Variants in RNF185 observed in about 807,000 individuals in gnomAD.
RNF185 encodes E3 ubiquitin-protein ligase RNF185.
RNF185 carries 13 observed loss-of-function variants against 24.9 expected under a neutral mutation model. That is an observed-to-expected ratio of 0.52 (90% CI 0.34 to 0.83). RNF185 has a LOEUF of 0.83. RNF185 is among the 40% of genes least tolerant of loss of function. The probability of loss-of-function intolerance (pLI) is 0.01; values close to 1 mark genes in which losing one functional copy is unlikely to be tolerated. For missense variants in RNF185, 184 were observed against 244.7 expected, an observed-to-expected ratio of 0.75 and a Z score of 1.65; for synonymous variants, 79 against 90.3, an observed-to-expected ratio of 0.88 and a Z score of 0.71.
At chr22:31,175,322 C>T (rs997562708) in intron 1 of RNF185, among the ~76,000 whole-genome samples, 35 of 151,632 alleles carry the variant, frequency 2.3e-4, no homozygotes, top group Admixed American at 2.1e-3. Context: ...GATGTGGTGG[C>T]GCACAGCTGT....
chr22:31,186,967 A>C, intron 1 of RNF185, 80 bp from the exon 2 acceptor site: 1 of 998,602 alleles, frequency 1.0e-6, no homozygotes, highest in Non-Finnish European at 1.5e-6. Flanking sequence ...TCTGGAGCCT[A>C]GAGAAGACAG....
chr22:31,188,976 AT>A (rs2048126937), intron 2 of RNF185, among the ~76,000 whole-genome samples: 1 of 148,230 alleles, frequency 6.7e-6, no homozygotes, highest in South Asian at 2.1e-4. Flanking sequence ...AAAAAAAAAA[AT>A]TAGCCGGGTG....
chr22:31,191,305 C>G (rs1279709143), intron 2 of RNF185, among the ~76,000 whole-genome samples: 1 of 152,126 alleles, frequency 6.6e-6, no homozygotes, highest in Admixed American at 6.5e-5. Context: ...AATGACATTG[C>G]AAGATTAATG....
chr22:31,189,143 G>A (rs1017877515), intron 2 of RNF185, among the ~76,000 whole-genome samples: 8 of 149,052 alleles, frequency 5.4e-5, no homozygotes, highest in Admixed American at 1.3e-4. Flanking sequence ...AAATGTGTGT[G>A]TGTGTGTGTG....
At chr22:31,172,748 C>CAAAAAAAAA (rs35573590) in intron 1 of RNF185, among the ~76,000 whole-genome samples, 1 of 97,714 alleles carries the variant, frequency 1.0e-5, no homozygotes, top group Non-Finnish European at 1.9e-5. Context: ...GACCCCGTCT[C>CAAAAAAAAA]AAAAAAAAAA....
intron 2 of RNF185, among the ~76,000 whole-genome samples, chr22:31,188,937 G>T (rs925958256): frequency 6.8e-6 from 1 of 147,798 alleles, no homozygotes; most frequent in Non-Finnish European, 1.5e-5. Flanking sequence ...TGGCTAACAC[G>T]GTGAAACCCG....
intron 1 of RNF185, among the ~76,000 whole-genome samples, chr22:31,167,978 C>T (rs1260387769): frequency 1.3e-5 from 2 of 152,188 alleles, no homozygotes; most frequent in Admixed American, 6.5e-5. Context: ...TTTAAATGTA[C>T]AGCTCAGTGG....
At position 31,195,609 on chromosome 22, in the gene RNF185, C is replaced by A. The variant is rs147796893; in HGVS notation, c.308+28C>A. 4 of 1,405,762 alleles carry A rather than the reference C, an allele frequency of 2.8e-6. No homozygotes were observed. In the African/African-American group the frequency reaches 4.3e-5, roughly 15 times the overall value. 87.1% of individuals were successfully genotyped at this position (1,405,762 alleles called of 1,614,324 possible). On this transcript the variant is annotated intron_variant, in intron 4 of 6. Coordinates refer to ENST00000326132, the MANE Select transcript of RNF185 (RefSeq NM_152267.4). ...GAGGACTCAGGATGCCTCTCCCAAC[C>A]ACTTCTCCCCTTGGATGTGAATTCA...
intron 3 of RNF185, among the ~76,000 whole-genome samples, chr22:31,194,719 CTCTG>C (rs763370934): frequency 2.0e-5 from 3 of 151,942 alleles, no homozygotes; most frequent in African/African-American, 7.3e-5. Context: ...CAGAGCAAGA[CTCTG>C]TCTGGGGAAA....
In RNF185 at chr22:31,201,554, G is replaced by A; in HGVS notation, c.420G>A (p.Gly140=). 6.2e-7 allele frequency: 1 copy of A among 1,612,362 alleles called. No individual in the cohort carries two copies. The highest frequency in any genetic ancestry group is 8.5e-7 in the Non-Finnish European group (1 of 1,179,918). The part of the protein sequence containing the change: ...DGGFQMSFGI[G]AFPFGIFATA... ...GCTTCCAGATGTCTTTTGGAATTGGGGCATTTCCCTTTGGGATATTTGCCA... is the reference window on the plus strand; with the variant it reads ...GCTTCCAGATGTCTTTTGGAATTGGAGCATTTCCCTTTGGGATATTTGCCA... The change falls in exon 6 of 7, where the codon GGG becomes GGA. Residue 140 remains glycine, a synonymous_variant. Coordinates refer to ENST00000326132, the MANE Select transcript of RNF185 (RefSeq NM_152267.4).
At chr22:31,177,463 A>G (rs1338868779) in intron 1 of RNF185, among the ~76,000 whole-genome samples, 1 of 152,038 alleles carries the variant, frequency 6.6e-6, no homozygotes, top group East Asian at 1.9e-4. Context: ...AGGAACCTAA[A>G]CACCACTTAG....
At chr22:31,190,357 GCTCACTGCAAC>G (rs1482896470) in intron 2 of RNF185, among the ~76,000 whole-genome samples, 2 of 152,000 alleles carry the variant, frequency 1.3e-5, no homozygotes, top group Non-Finnish European at 2.9e-5. Flanking sequence ...CGTGATCTTG[GCTCACTGCAAC>G]CTCTGCCTCC....
chr22:31,168,974 A>G (rs1924114612), intron 1 of RNF185, among the ~76,000 whole-genome samples: 1 of 152,046 alleles, frequency 6.6e-6, no homozygotes, highest in African/African-American at 2.4e-5. Flanking sequence ...CAGTGGTGGA[A>G]TCTGGGCTCT....
At chr22:31,172,635 G>A (rs1245596408) in intron 1 of RNF185, among the ~76,000 whole-genome samples, 11 of 150,652 alleles carry the variant, frequency 7.3e-5, no homozygotes, top group Non-Finnish European at 1.2e-4. Context: ...TGTGGTCCCC[G>A]CTACTCAGGA....
intron 1 of RNF185, among the ~76,000 whole-genome samples, chr22:31,179,026 A>G (rs2147935764): frequency 6.6e-6 from 1 of 152,322 alleles, no homozygotes; most frequent in South Asian, 2.1e-4. Context: ...GTAAAATGGC[A>G]TGAGGATAAA....
chr22:31,171,150 G>GATTTACTTATTT (rs1555880868), intron 1 of RNF185, among the ~76,000 whole-genome samples: 1 of 71,332 alleles, frequency 1.4e-5, no homozygotes, highest in African/African-American at 6.9e-5. Context: ...GACCTTCTCT[G>GATTTACTTATTT]ATTTACTTAT....
intron 5 of RNF185, among the ~76,000 whole-genome samples, chr22:31,198,704 C>CTTTTTTT (rs1196076379): frequency 4.0e-4 from 28 of 69,664 alleles, no homozygotes; most frequent in Non-Finnish European, 5.6e-4. Flanking sequence ...CTGCCACTTT[C>CTTTTTTT]TTTTTTTTTT....
At chr22:31,181,987 A>G (rs2043761875) in intron 1 of RNF185, among the ~76,000 whole-genome samples, 2 of 151,976 alleles carry the variant, frequency 1.3e-5, no homozygotes, top group South Asian at 4.1e-4. Context: ...CATGTACCCT[A>G]GAACTTAAAG....
intron 6 of RNF185, among the ~76,000 whole-genome samples, chr22:31,202,418 G>A (rs1255089472): frequency 2.0e-5 from 3 of 151,968 alleles, no homozygotes; most frequent in Non-Finnish European, 4.4e-5. Flanking sequence ...TGTGGTTCAC[G>A]CCAAGAGCTT....
Sources: gnomAD v4.1 joint callset for allele counts (sites outside exome capture counted in the v4.1 genomes callset) on GRCh38, gnomAD v4.1.1 for gene constraint, MANE v1.5 for transcripts, NCBI Gene and HGNC (gene_info 2026-07-23, HGNC 2026-07-21) for gene names.